Variants in WSCD2 observed in about 807,000 individuals in gnomAD.
WSCD2 encodes the protein WSC domain sialate O sulfotransferase 2, also known as sialate:O-sulfotransferase 2.
WSCD2 carries 28 observed loss-of-function variants against 55.7 expected under a neutral mutation model. The ratio of observed to expected loss-of-function variants is 0.50; its 90% CI spans 0.37 to 0.69. The LOEUF is 0.69. Among genes scored for constraint, WSCD2 ranks in the 30% least tolerant of loss-of-function variants. The pLI, the probability that WSCD2 is intolerant of heterozygous loss-of-function variation, is 0.00. For missense variants in WSCD2, 616 were observed against 762.1 expected, an observed-to-expected ratio of 0.81 and a Z score of 2.26; for synonymous variants, 301 against 301.9, an observed-to-expected ratio of 1.00 and a Z score of 0.03.
At chr12:108,230,820 A>T (rs1484142402) in intron 6 of WSCD2, among the ~76,000 whole-genome samples, 1 of 152,180 alleles carries the variant, frequency 6.6e-6, no homozygotes, top group Non-Finnish European at 1.5e-5. Context: ...GTCACTGAGG[A>T]CCTTGCCCAT....
chr12:108,157,184 G>A lies in WSCD2; in HGVS notation c.-552+27258G>A, dbSNP rs535413635. On this transcript the variant is annotated intron_variant, in intron 1 of 8. Coordinates refer to ENST00000547525, the MANE Select transcript of WSCD2 (RefSeq NM_014653.4). ...AATAGACTTTATTTTGGAGGGCAGT[G>A]TTCAGTTTACAGAAAAATTGAGTAG... is the stretch of plus-strand genomic sequence containing the variant. Among the ~76,000 whole-genome samples, 6 of 152,344 alleles carry A rather than the reference G, an allele frequency of 3.9e-5. No homozygotes were observed. In the South Asian group the frequency reaches 1.2e-3, roughly 32 times the overall value.
chr12:108,181,647 T>A (rs1198240436), intron 1 of WSCD2, among the ~76,000 whole-genome samples: 1 of 152,168 alleles, frequency 6.6e-6, no homozygotes, highest in Non-Finnish European at 1.5e-5. Flanking sequence ...CTCACTCTGT[T>A]CTCCAAGCTA....
rs137904811 is a variant in WSCD2 at position 108,241,839 on chromosome 12, G to A, written c.1345+1295G>A. On this transcript the variant is annotated intron_variant, in intron 8 of 8. Coordinates refer to ENST00000547525, the MANE Select transcript of WSCD2 (RefSeq NM_014653.4). The stretch of plus-strand genomic sequence containing the variant: ...TCCATATAACCAAAGTCACTAAATT[G>A]TAGATATTATGTGCAGTATTTTGTA... Among the ~76,000 whole-genome samples, 496 of 152,308 alleles carry A rather than the reference G, an allele frequency of 3.3e-3. 5 individuals carry two copies. Among genetic ancestry groups the A allele is most frequent in the African/African-American group, 0.011 (441 of 41,564 alleles).
intron 1 of WSCD2, among the ~76,000 whole-genome samples, chr12:108,184,764 C>A (rs972651062): frequency 2.0e-5 from 3 of 152,212 alleles, no homozygotes; most frequent in African/African-American, 7.2e-5. Flanking sequence ...AAGTATTGAG[C>A]ACTTACTTGG....
chr12:108,226,067 C>T (rs2137166437), intron 5 of WSCD2, among the ~76,000 whole-genome samples: 1 of 152,054 alleles, frequency 6.6e-6, no homozygotes, highest in Admixed American at 6.5e-5. Flanking sequence ...GATATGGGAC[C>T]CACGCTTTGG....
chr12:108,239,421 G>A (rs897262140), intron 7 of WSCD2, among the ~76,000 whole-genome samples: 2 of 152,198 alleles, frequency 1.3e-5, no homozygotes, highest in African/African-American at 4.8e-5. Context: ...CTGCAGGTTA[G>A]GACCATGTCT....
chr12:108,244,470 G>A (rs1717120293), intron 8 of WSCD2: 4 of 702,182 alleles, frequency 5.7e-6, no homozygotes, highest in Non-Finnish European at 1.0e-5. Context: ...AAATAGCATC[G>A]TGGACAATCA....
At chr12:108,212,661 GA>G (rs1886362898) in intron 4 of WSCD2, among the ~76,000 whole-genome samples, 1 of 149,462 alleles carries the variant, frequency 6.7e-6, no homozygotes, top group Non-Finnish European at 1.5e-5. Context: ...ACACTGCTGT[GA>G]TCACCTTGTA....
At chr12:108,160,983 T>A (rs532330775) in intron 1 of WSCD2, among the ~76,000 whole-genome samples, 1 of 152,236 alleles carries the variant, frequency 6.6e-6, no homozygotes, top group African/African-American at 2.4e-5. Flanking sequence ...CCTAACTGGA[T>A]TATTGGGATG....
intron 1 of WSCD2, chr12:108,167,399 A>G (rs965802670): frequency 6.6e-6 from 1 of 152,036 alleles, no homozygotes; most frequent in African/African-American, 2.4e-5. Flanking sequence ...CCCCACTCCA[A>G]TCTCTCAATT....
chr12:108,162,829 C>T (rs1592911464), intron 1 of WSCD2, among the ~76,000 whole-genome samples: 1 of 152,158 alleles, frequency 6.6e-6, no homozygotes. Flanking sequence ...TAGCAAAGTA[C>T]CCTGGACTTG....
At chr12:108,163,660 C>G (rs1281536564) in intron 1 of WSCD2, among the ~76,000 whole-genome samples, 1 of 151,972 alleles carries the variant, frequency 6.6e-6, no homozygotes, top group African/African-American at 2.4e-5. Flanking sequence ...GCAGGAGATG[C>G]GATGATAGAA....
intron 1 of WSCD2, among the ~76,000 whole-genome samples, chr12:108,182,711 T>G (rs1465240739): frequency 6.6e-6 from 1 of 152,182 alleles, no homozygotes; most frequent in Non-Finnish European, 1.5e-5. Flanking sequence ...TAAGATAAGG[T>G]GAACATCAAG....
At position 108,240,522 on chromosome 12, in the gene WSCD2, G is replaced by A. The variant is rs775965743; in HGVS notation, c.1323G>A (p.Ala441=). The A allele has an allele frequency of 6.6e-7, 1 of 1,511,248 alleles. No homozygotes were observed. Among genetic ancestry groups the A allele is most frequent in the South Asian group, 1.1e-5 (1 of 89,960 alleles). The allele number at this position is 1,511,248 out of a possible 1,614,324, so 93.6% of individuals were successfully genotyped here. A position where few individuals can be genotyped will look rare whatever the true frequency, so the allele number is the denominator to read the frequency against. ...RKYGGHIGFA[A]HAHWKGKEWP... ...ACGGCGGCCACATAGGCTTTGCTGC[G>A]CATGCCCACTGGAAGGGCAAAGGTA... The change falls in exon 8 of 9, where the codon GCG becomes GCA. Residue 441 remains alanine, a synonymous_variant. Coordinates refer to ENST00000547525, the MANE Select transcript of WSCD2 (RefSeq NM_014653.4).
intron 1 of WSCD2, among the ~76,000 whole-genome samples, chr12:108,148,777 G>A (rs946832490): frequency 5.9e-5 from 9 of 152,126 alleles, no homozygotes; most frequent in Admixed American, 1.3e-4. Flanking sequence ...GCCAGAAACC[G>A]GGCTAAACAT....
At chr12:108,132,162 G>A (rs1283557053) in intron 1 of WSCD2, among the ~76,000 whole-genome samples, 3 of 152,104 alleles carry the variant, frequency 2.0e-5, no homozygotes, top group Admixed American at 6.6e-5. Flanking sequence ...TCTGAGGCTT[G>A]TGGGTTGCCC....
At chr12:108,191,961 C>G (rs570646430) in intron 1 of WSCD2, among the ~76,000 whole-genome samples, 1 of 152,178 alleles carries the variant, frequency 6.6e-6, no homozygotes, top group South Asian at 2.1e-4. Context: ...TCATTATCCT[C>G]TTAAAGCCCC....
chr12:108,164,138 C>CTTTTTTTTTTTTTTTTTG, intron 1 of WSCD2, among the ~76,000 whole-genome samples: 1 of 71,706 alleles, frequency 1.4e-5, no homozygotes, highest in Non-Finnish European at 2.6e-5. Context: ...AATCTTAAAT[C>CTTTTTTTTTTTTTTTTTG]CTTTTTTTTT....
At chr12:108,240,697 T>A (rs1889671234) in intron 8 of WSCD2, among the ~76,000 whole-genome samples, 153 bp downstream of exon 8, 1 of 152,096 alleles carries the variant, frequency 6.6e-6, no homozygotes, top group Non-Finnish European at 1.5e-5. Flanking sequence ...CGTGTCATGC[T>A]CCAGTCCTTG....
Sources: gnomAD v4.1 joint callset for allele counts (sites outside exome capture counted in the v4.1 genomes callset) on GRCh38, gnomAD v4.1.1 for gene constraint, MANE v1.5 for transcripts, NCBI Gene and HGNC (gene_info 2026-07-23, HGNC 2026-07-21) for gene names.